Variants in SLC9B2 observed in about 807,000 individuals in gnomAD.
SLC9B2 encodes the protein solute carrier family 9 member B2.
A neutral mutation model predicts 52.2 loss-of-function variants in SLC9B2; 39 were observed. That is an observed-to-expected ratio of 0.75 (90% CI 0.58 to 0.98). The LOEUF is 0.98. Ranked by LOEUF, SLC9B2 falls within the 50% of genes least tolerant of loss-of-function variation. The probability of loss-of-function intolerance (pLI) is 0.00; values close to 1 mark genes in which losing one functional copy is unlikely to be tolerated. For synonymous variants in SLC9B2, 214 were observed against 227.0 expected, an observed-to-expected ratio of 0.94 and a Z score of 0.51; for missense variants, 626 against 637.5, an observed-to-expected ratio of 0.98 and a Z score of 0.19.
chr4:103,048,981 T>C lies in SLC9B2; in HGVS notation c.625A>G (p.Met209Val), dbSNP rs766216843. 4.3e-6 allele frequency: 7 copies of C among 1,613,944 alleles called. No homozygotes were observed. Among genetic ancestry groups the C allele is most frequent in the Non-Finnish European group, 5.9e-6 (7 of 1,179,888 alleles). Residue 209 changes from methionine (M) to valine (V), a missense_variant, in exon 6 of 12, where the codon ATG (methionine) becomes GTG (valine). Transcript: ENST00000394785. Reference sequence around the variant, plus strand: ...CACGCCTCCACAATACAGGGACCCATGGACAGTCTTACACAAACGCCCTTT... The same window carrying C: ...CACGCCTCCACAATACAGGGACCCACGGACAGTCTTACACAAACGCCCTTT... ...KLKGVCVRLSMGPCIVEACTS... is the reference protein window; with the variant it reads ...KLKGVCVRLSVGPCIVEACTS...
chr4:103,025,666 G>C lies in SLC9B2; in HGVS notation c.*704C>G, dbSNP rs1467528005. 1 of 151,960 alleles carries C rather than the reference G, an allele frequency of 6.6e-6. No homozygotes were observed. The highest frequency in any genetic ancestry group is 1.5e-5 in the Non-Finnish European group (1 of 67,984). The allele number at this position is 151,960 out of a possible 1,614,324, so 9.4% of individuals were successfully genotyped here. A position where few individuals can be genotyped will look rare whatever the true frequency, so the allele number is the denominator to read the frequency against. ...ATATGGGTCATAAGAAACAAAAAAAGGGCTGGATTAGGGCACTCCTTAGGG... is the reference window on the plus strand; with the variant it reads ...ATATGGGTCATAAGAAACAAAAAAACGGCTGGATTAGGGCACTCCTTAGGG... On this transcript the variant is annotated 3_prime_UTR_variant, in exon 12 of 12. Transcript: ENST00000394785.
chr4:103,049,869 G>T (rs903684066), intron 5 of SLC9B2, among the ~76,000 whole-genome samples: 35 of 152,058 alleles, frequency 2.3e-4, no homozygotes, highest in Admixed American at 5.9e-4. Context: ...AAAATTAGCC[G>T]GGTGTGGTAG....
chr4:103,039,769 C>G (rs1743477119), intron 9 of SLC9B2, among the ~76,000 whole-genome samples: 1 of 151,412 alleles, frequency 6.6e-6, no homozygotes, highest in South Asian at 2.1e-4. Context: ...GCCTCAGCCT[C>G]CCGAGTAGCT....
chr4:103,060,019 G>A (rs914503506), intron 3 of SLC9B2, among the ~76,000 whole-genome samples: 11 of 151,742 alleles, frequency 7.2e-5, no homozygotes, highest in African/African-American at 2.7e-4. Flanking sequence ...CTTTTTAAAG[G>A]AATTCTTTTT....
intron 1 of SLC9B2, among the ~76,000 whole-genome samples, chr4:103,073,615 C>A (rs1353386693): frequency 6.6e-6 from 1 of 152,160 alleles, no homozygotes; most frequent in Non-Finnish European, 1.5e-5. Flanking sequence ...AGGAAAACAA[C>A]CGCTATTTTA....
chr4:103,056,869 T>C (rs551013359), intron 4 of SLC9B2, among the ~76,000 whole-genome samples: 2 of 152,326 alleles, frequency 1.3e-5, no homozygotes, highest in East Asian at 3.9e-4. Context: ...AAGTCACATA[T>C]CATGAATGAG....
chr4:103,043,370 C>T lies in SLC9B2; in HGVS notation c.1072G>A (p.Gly358Ser). Residue 358 changes from glycine (G) to serine (S), a missense_variant, in exon 9 of 12, where the codon GGT (glycine) becomes AGT (serine). Gly to Ser is a moderately conservative substitution (Grantham distance 56). Transcript: ENST00000394785. ...CACAGTCCTCCTGATCCAGGGAAAC[C>T]AAAATGCACACTGCTGAACACAGCT... is the stretch of plus-strand genomic sequence containing the variant. Reference protein sequence around the residue: ...VLAVFSSVHFGFPGSGGLCTL... With the variant: ...VLAVFSSVHFSFPGSGGLCTL... The T allele has an allele frequency of 6.2e-7, 1 of 1,613,800 alleles. No individual in the cohort carries two copies. The highest frequency in any genetic ancestry group is 1.7e-5 in the Admixed American group (1 of 59,932).
chr4:103,053,815 G>A (rs1744894091), intron 4 of SLC9B2, among the ~76,000 whole-genome samples: 1 of 152,014 alleles, frequency 6.6e-6, no homozygotes, highest in Non-Finnish European at 1.5e-5. Context: ...TGATTCTCCT[G>A]CCTCAGCCTC....
chr4:103,052,983 C>G (rs1744823117), intron 4 of SLC9B2, among the ~76,000 whole-genome samples: 1 of 152,162 alleles, frequency 6.6e-6, no homozygotes, highest in African/African-American at 2.4e-5. Flanking sequence ...ACTCTTGCCT[C>G]TAGGGCCTCC....
chr4:103,044,474 C>G (rs1743925409), intron 8 of SLC9B2, among the ~76,000 whole-genome samples: 1 of 152,070 alleles, frequency 6.6e-6, no homozygotes, highest in Non-Finnish European at 1.5e-5. Flanking sequence ...ACTCAAACTC[C>G]CAGAGGGATC....
chr4:103,043,585 A>C, intron 8 of SLC9B2, 140 bp from the exon 9 acceptor site: 7 of 705,396 alleles, frequency 9.9e-6, no homozygotes, highest in Non-Finnish European at 1.3e-5. Flanking sequence ...GCACTACATA[A>C]CATTTACTTT....
chr4:103,065,370 T>C (rs762970916), intron 3 of SLC9B2: 2 of 152,184 alleles, frequency 1.3e-5, no homozygotes, highest in Non-Finnish European at 2.9e-5. Flanking sequence ...GTGAATGTAT[T>C]GTGTTCTCAC....
chr4:103,066,635 A>C (rs1262472384), intron 2 of SLC9B2, 128 bp from the exon 3 acceptor site: 1 of 832,478 alleles, frequency 1.2e-6, no homozygotes, highest in Non-Finnish European at 1.8e-6. Context: ...TTGTAGAAAA[A>C]ACTCACAGCT....
rs1265444719 is a variant in SLC9B2, at chr4:103,076,471, G to T, written c.-330C>A. 2.0e-5 allele frequency: 3 copies of T among 152,272 alleles called. No individual in the cohort carries two copies. The highest frequency in any genetic ancestry group is 4.4e-5 in the Non-Finnish European group (3 of 68,064). The allele number at this position is 152,272 out of a possible 1,614,324, so 9.4% of individuals were successfully genotyped here. A position where few individuals can be genotyped will look rare whatever the true frequency, so the allele number is the denominator to read the frequency against. On this transcript the variant is annotated 5_prime_UTR_variant, in exon 1 of 12. Coordinates refer to ENST00000394785, the MANE Select transcript of SLC9B2 (RefSeq NM_178833.7). ...CCGGAGTAAGCATGGGTTGGTCCGG[G>T]GCCCGCAGCGGCAGCCCCGTGTGCC...
At position 103,026,027 on chromosome 4, in the gene SLC9B2, T is replaced by C. The variant is rs2110565621; in HGVS notation, c.*343A>G. 1 of 169,754 alleles carries C rather than the reference T, an allele frequency of 5.9e-6. No individual in the cohort carries two copies. Among genetic ancestry groups the C allele is most frequent in the Admixed American group, 6.3e-5 (1 of 15,942 alleles). 10.5% of individuals were successfully genotyped at this position (169,754 alleles called of 1,614,324 possible). ...TGGGCAAATATGAATCAGGAAACTG[T>C]GAAAGTTAAAAGTTAGGGCAATCCT... On this transcript the variant is annotated 3_prime_UTR_variant, in exon 12 of 12. Transcript: ENST00000394785.
chr4:103,035,659 G>A (rs771448265), intron 9 of SLC9B2, among the ~76,000 whole-genome samples: 3 of 152,114 alleles, frequency 2.0e-5, no homozygotes, highest in Non-Finnish European at 2.9e-5. Flanking sequence ...GGAGAAAAGG[G>A]AATGCTGATA....
downstream of SLC9B2, among the ~76,000 whole-genome samples, chr4:103,021,818 G>A (rs947234586): frequency 5.3e-5 from 8 of 151,970 alleles, no homozygotes; most frequent in African/African-American, 1.5e-4. Flanking sequence ...TATGCTCCAG[G>A]CTTTACTGTT....
intron 5 of SLC9B2, among the ~76,000 whole-genome samples, chr4:103,050,012 CAAAA>C (rs368672958): frequency 3.7e-5 from 3 of 80,152 alleles, no homozygotes; most frequent in South Asian, 3.9e-4. Flanking sequence ...GACTCTGTCT[CAAAA>C]AAAAAAAAAA....
downstream of SLC9B2, among the ~76,000 whole-genome samples, chr4:103,021,805 T>G (rs778329010): frequency 6.6e-5 from 10 of 152,226 alleles, no homozygotes; most frequent in Non-Finnish European, 1.3e-4. Context: ...GCCAATCACT[T>G]TCTATGCTCC....
Sources: gnomAD v4.1 joint callset for allele counts (sites outside exome capture counted in the v4.1 genomes callset) on GRCh38, gnomAD v4.1.1 for gene constraint, MANE v1.5 for transcripts, NCBI Gene and HGNC (gene_info 2026-07-23, HGNC 2026-07-21) for gene names.